Variants in MYOF observed in about 807,000 individuals in gnomAD.
The protein encoded by MYOF is myoferlin.
A neutral mutation model predicts 284.2 loss-of-function variants in MYOF; 244 were observed. The observed-to-expected ratio is 0.86, with a 90% confidence interval of 0.77 to 0.95. MYOF has a LOEUF of 0.95. Ranked by LOEUF, MYOF falls within the 40% of genes least tolerant of loss-of-function variation. MYOF has a pLI of 0.00. For synonymous variants in MYOF, 904 were observed against 919.7 expected (o/e 0.98, Z 0.31); for missense variants, 2,496 against 2,560.6 (o/e 0.97, Z 0.54).
At chr10:93,411,868 A>G (rs1847914066) in intron 5 of MYOF, among the ~76,000 whole-genome samples, 1 of 152,088 alleles carries the variant, frequency 6.6e-6, no homozygotes, top group South Asian at 2.1e-4. Flanking sequence ...GTGCTCATAT[A>G]CATATTTTTA....
At chr10:93,419,282 C>T (rs1848258047) in intron 5 of MYOF, among the ~76,000 whole-genome samples, 1 of 152,158 alleles carries the variant, frequency 6.6e-6, no homozygotes, top group Non-Finnish European at 1.5e-5. Flanking sequence ...GCTGTCTCAG[C>T]CTCCAGAGTA....
At chr10:93,400,945 T>C (rs1414456528) in intron 12 of MYOF, among the ~76,000 whole-genome samples, 1 of 148,646 alleles carries the variant, frequency 6.7e-6, no homozygotes, top group Non-Finnish European at 1.5e-5. Flanking sequence ...CTCCGCCTCC[T>C]GGGTTCAAGT....
intron 2 of MYOF, among the ~76,000 whole-genome samples, chr10:93,456,447 C>G (rs970925076): frequency 4.6e-5 from 7 of 152,126 alleles, no homozygotes; most frequent in African/African-American, 1.4e-4. Flanking sequence ...ATGTCATTAC[C>G]CAGCTAGACA....
intron 45 of MYOF, among the ~76,000 whole-genome samples, chr10:93,328,175 C>A (rs1843138126): frequency 6.6e-6 from 1 of 152,178 alleles, no homozygotes; most frequent in Admixed American, 6.5e-5. Context: ...CATGCCCTTG[C>A]CACCGCCCCC....
chr10:93,461,009 C>T (rs988411229), intron 1 of MYOF, among the ~76,000 whole-genome samples: 90 of 150,078 alleles, frequency 6.0e-4, no homozygotes, highest in African/African-American at 2.2e-3. Flanking sequence ...GCAGGAGAAT[C>T]GCTTGAACCT....
intron 2 of MYOF, among the ~76,000 whole-genome samples, chr10:93,452,522 A>G (rs2056620674): frequency 2.3e-5 from 3 of 128,654 alleles, no homozygotes. Context: ...ACTTGGACAC[A>G]GGATGGGGAA....
At chr10:93,312,793 C>G (rs1842449544) in intron 51 of MYOF, among the ~76,000 whole-genome samples, 1 of 152,070 alleles carries the variant, frequency 6.6e-6, no homozygotes, top group Non-Finnish European at 1.5e-5. Flanking sequence ...TTGACCATTC[C>G]AACTTCTTCA....
chr10:93,466,796 A>G (rs761916673), intron 1 of MYOF, among the ~76,000 whole-genome samples: 15 of 152,144 alleles, frequency 9.9e-5, no homozygotes, highest in Non-Finnish European at 1.9e-4. Context: ...AAACATAATG[A>G]GACTCCATCT....
chr10:93,374,874 G>A lies in MYOF; in HGVS notation c.2190C>T (p.Leu730=), dbSNP rs1845763758. 1 of 1,614,172 alleles carries A rather than the reference G, an allele frequency of 6.2e-7. No individual in the cohort carries two copies. The highest frequency in any genetic ancestry group is 8.5e-7 in the Non-Finnish European group (1 of 1,180,024). Residue 730 remains leucine, a synonymous_variant, in exon 23 of 54, where the codon CTC becomes CTT. Coordinates refer to ENST00000359263, the MANE Select transcript of MYOF (RefSeq NM_013451.4). ...TQIRKLRSRS[L]SQIHEAAVRM... is the part of the protein sequence containing the mutation. ...TCACAGCCGCCTCATGTATTTGGGA[G>A]AGAGACCTGGACCGCAGCTTTCGGA... is the stretch of plus-strand genomic sequence containing the variant.
rs189070090 is a variant in MYOF at position 93,438,566 on chromosome 10, A to G, written c.237-7050T>C. Among the ~76,000 whole-genome samples, 26 of 152,106 alleles carry G rather than the reference A, an allele frequency of 1.7e-4. No individual in the cohort carries two copies. The East Asian group carries it at 4.6e-3, about 27-fold the overall frequency. The stretch of plus-strand genomic sequence containing the variant: ...CACCAGGGCGTCTGCAGATTCCCAG[A>G]TCCCTGAGTCCGACTTTTTCCTTTC... On this transcript the variant is annotated intron_variant, in intron 3 of 53. Coordinates refer to ENST00000359263, the MANE Select transcript of MYOF (RefSeq NM_013451.4).
At chr10:93,463,282 G>A (rs1347948132) in intron 1 of MYOF, among the ~76,000 whole-genome samples, 1 of 152,052 alleles carries the variant, frequency 6.6e-6, no homozygotes, top group African/African-American at 2.4e-5. Flanking sequence ...CTGGCCCAGT[G>A]CGGTGCTTAT....
intron 13 of MYOF, among the ~76,000 whole-genome samples, chr10:93,398,264 A>G (rs1721797): frequency 0.96 from 145,850 of 152,084 alleles, 70,232 homozygotes; most frequent in East Asian, 1. Context: ...CTCCCTCCCC[A>G]ATCTCTGCAT....
At chr10:93,336,107 A>C in intron 40 of MYOF, 61 bp from the exon 41 acceptor site, 4 of 1,565,832 alleles carry the variant, frequency 2.6e-6, no homozygotes, top group Middle Eastern at 1.7e-4. Context: ...CTAAAATCAA[A>C]AGGGCTGACA....
chr10:93,394,359 C>T (rs1846858174), intron 16 of MYOF, among the ~76,000 whole-genome samples: 1 of 151,564 alleles, frequency 6.6e-6, no homozygotes, highest in Non-Finnish European at 1.5e-5. Context: ...ACCTTGGCCT[C>T]CCAAAGTGCT....
chr10:93,306,866 G>T lies in MYOF; in HGVS notation c.*97C>A. On this transcript the variant is annotated 3_prime_UTR_variant, in exon 54 of 54. Coordinates refer to ENST00000359263, the MANE Select transcript of MYOF (RefSeq NM_013451.4). ...GTGACATGGCGTAACCTGCTACTGG[G>T]GTGTGGTCTCAGACACAAAATCACA... 7.9e-7 allele frequency: 1 copy of T among 1,264,976 alleles called. No individual in the cohort carries two copies. The highest frequency in any genetic ancestry group is 1.1e-6 in the Non-Finnish European group (1 of 871,418). 78.4% of individuals were successfully genotyped at this position (1,264,976 alleles called of 1,614,324 possible). A position where few individuals can be genotyped will look rare whatever the true frequency, so the allele number is the denominator to read the frequency against.
At chr10:93,469,948 G>C (rs915425894) in intron 1 of MYOF, among the ~76,000 whole-genome samples, 1 of 152,100 alleles carries the variant, frequency 6.6e-6, no homozygotes, top group Non-Finnish European at 1.5e-5. Flanking sequence ...AAAGGAGTAG[G>C]CCGGGCGCAG....
rs1338159505 is a variant in MYOF, at chr10:93,378,713, A to ATATATATATATATATATATG, written c.2001+1149_2001+1150insCATATATATATATATATATA. 7.4e-4 allele frequency among the ~76,000 whole-genome samples: 93 copies of ATATATATATATATATATATG among 124,870 alleles called. 2 individuals are homozygous for ATATATATATATATATATATG. Among genetic ancestry groups the ATATATATATATATATATATG allele is most frequent in the East Asian group, 4.6e-3 (16 of 3,482 alleles). The allele number at this position is 124,870 out of a possible 152,430, so 81.9% of individuals were successfully genotyped here. A position where few individuals can be genotyped will look rare whatever the true frequency, so the allele number is the denominator to read the frequency against. ...TGTGTGTATATATATATATATATAT[A>ATATATATATATATATATATG]TATGTATATATTTATCTTTTTAGAC... On this transcript the variant is annotated intron_variant, in intron 21 of 53. Transcript: ENST00000359263.
chr10:93,461,415 T>C (rs1458689194), intron 1 of MYOF, among the ~76,000 whole-genome samples: 2 of 152,164 alleles, frequency 1.3e-5, no homozygotes, highest in East Asian at 3.9e-4. Flanking sequence ...GAAATGTGGC[T>C]ATACGGGACT....
intron 1 of MYOF, among the ~76,000 whole-genome samples, chr10:93,479,033 C>T (rs1237184396): frequency 6.6e-6 from 1 of 152,008 alleles, no homozygotes; most frequent in Non-Finnish European, 1.5e-5. Flanking sequence ...TTGAGAAGAG[C>T]TGCTTACTGC....
Sources: gnomAD v4.1 joint callset for allele counts (sites outside exome capture counted in the v4.1 genomes callset) on GRCh38, gnomAD v4.1.1 for gene constraint, MANE v1.5 for transcripts, NCBI Gene and HGNC (gene_info 2026-07-23, HGNC 2026-07-21) for gene names.